The following KCTD14 variants were observed in gnomAD, a reference collection of about 807,000 sequenced individuals.
KCTD14 encodes potassium channel tetramerization domain containing 14, also known as BTB/POZ domain-containing protein KCTD14.
Under a neutral mutation model 5.9 loss-of-function variants are expected in KCTD14, and 7 were observed. That is an observed-to-expected ratio of 1.19 (90% CI 0.68 to 2.23). KCTD14 has a LOEUF of 2.23. Among genes scored for constraint, KCTD14 ranks in the 30% most tolerant of loss-of-function variants. KCTD14 has a pLI of 0.00. For synonymous variants in KCTD14, 140 were observed against 133.1 expected, an observed-to-expected ratio of 1.05 and a Z score of -0.36; for missense variants, 342 against 332.2, an observed-to-expected ratio of 1.03 and a Z score of -0.23.
rs367774439 is a variant in KCTD14, at chr11:78,017,228, T to C, written c.133A>G (p.Thr45Ala). Residue 45 changes from threonine to alanine, a missense_variant, in exon 2 of 2, where the codon ACC becomes GCC. Transcript: ENST00000353172. Reference sequence around the variant, plus strand: ...TTCCTCAGGGTACCCAGGGTGGTGGTGTGGAACTCACCCCCGACGTTCAGC... The same window carrying C: ...TTCCTCAGGGTACCCAGGGTGGTGGCGTGGAACTCACCCCCGACGTTCAGC... ...VELNVGGEFHTTTLGTLRKFP... is the reference protein window; with the variant it reads ...VELNVGGEFHATTLGTLRKFP... 2.3e-5 allele frequency: 37 copies of C among 1,609,552 alleles called. No individual in the cohort carries two copies. In the African/African-American group the frequency reaches 4.4e-4, roughly 19 times the overall value.
At chr11:78,046,136 A>G (rs980964071) in exon 1 of KCTD14, 1 of 985,456 alleles carries the variant, frequency 1.0e-6, no homozygotes, top group Non-Finnish European at 1.2e-6. Flanking sequence ...GCAAAAAAGG[A>G]GTCCACAGAA....
intron 1 of KCTD14, among the ~76,000 whole-genome samples, chr11:78,042,877 A>G (rs1858032175): frequency 6.6e-6 from 1 of 152,100 alleles, no homozygotes; most frequent in African/African-American, 2.4e-5. Flanking sequence ...GATTGGTCAG[A>G]CCCGGTGTGC....
Position 78,017,075 on chromosome 11 carries a change from C to T in KCTD14, c.286G>A (p.Gly96Arg). ...GGGATGTGCTGTGTGGGCACTTGCCCAGTGCGCAGGTAGTCCAGGATGGGT... is the reference window on the plus strand; with the variant it reads ...GGGATGTGCTGTGTGGGCACTTGCCTAGTGCGCAGGTAGTCCAGGATGGGT... ...FRPILDYLRT[G>R]QVPTQHIPEV... Residue 96 changes from glycine (G) to arginine (R), a missense_variant, in exon 2 of 2, where the codon GGG (glycine) becomes AGG (arginine). Gly to Arg is a moderately radical substitution (Grantham distance 125). Transcript: ENST00000353172. The T allele has an allele frequency of 6.2e-7, 1 of 1,614,220 alleles. No individual in the cohort carries two copies. Among genetic ancestry groups the T allele is most frequent in the Non-Finnish European group, 8.5e-7 (1 of 1,180,048 alleles).
chr11:78,027,938 T>G (rs956681302), upstream of KCTD14, among the ~76,000 whole-genome samples: 4 of 152,114 alleles, frequency 2.6e-5, no homozygotes, highest in Admixed American at 6.6e-5. Context: ...GTTTTGATGG[T>G]AATACTGGTC....
At chr11:78,045,623 T>G (rs1020739546) in intron 1 of KCTD14, among the ~76,000 whole-genome samples, 2 of 151,996 alleles carry the variant, frequency 1.3e-5, no homozygotes, top group East Asian at 1.9e-4. Flanking sequence ...AACCCAGGAG[T>G]GACCAAAGGC....
chr11:78,025,085 CGTGTGT>C (rs1163862866), upstream of KCTD14, among the ~76,000 whole-genome samples: 346 of 89,308 alleles, frequency 3.9e-3, 3 homozygotes, highest in Middle Eastern at 0.015. Flanking sequence ...TATATACACA[CGTGTGT>C]GTGTGTGTGT....
At chr11:78,025,118 G>GTGTGTGTATATATA (rs1230114793), upstream of KCTD14, among the ~76,000 whole-genome samples, 10 of 44,480 alleles carry the variant, frequency 2.2e-4, no homozygotes, top group Admixed American at 3.1e-4. Context: ...GTGTGTGTGT[G>GTGTGTGTATATATA]TATATATATA....
chr11:78,017,378 TTGG>T, intron 1 of KCTD14, 108 bp from the exon 2 acceptor site: 1 of 1,367,250 alleles, frequency 7.3e-7, no homozygotes, highest in South Asian at 1.6e-5. Flanking sequence ...GCCATAATGA[TTGG>T]CTTCAGCTAG....
intron 2 of KCTD14, among the ~76,000 whole-genome samples, chr11:78,037,218 C>T (rs1031544664): frequency 6.6e-6 from 1 of 152,212 alleles, no homozygotes; most frequent in African/African-American, 2.4e-5. Flanking sequence ...GCAACCACTC[C>T]CCCGGGGCCA....
intron 1 of KCTD14, among the ~76,000 whole-genome samples, chr11:78,021,070 AG>A (rs1182197746): frequency 6.6e-6 from 1 of 152,120 alleles, no homozygotes; most frequent in African/African-American, 2.4e-5. Context: ...TGGGAGGCCA[AG>A]GTGGGAGGAT....
intron 2 of KCTD14, among the ~76,000 whole-genome samples, chr11:78,037,368 G>T (rs566218473): frequency 6.6e-6 from 1 of 152,228 alleles, no homozygotes; most frequent in Admixed American, 6.5e-5. Flanking sequence ...CTCTTTGCAG[G>T]GCTACTTATG....
intron 1 of KCTD14, among the ~76,000 whole-genome samples, chr11:78,021,404 G>A (rs560550524): frequency 6.8e-6 from 1 of 146,788 alleles, no homozygotes; most frequent in East Asian, 2.1e-4. Flanking sequence ...GCTTCTTTTT[G>A]TTTTTTGTTT....
intron 2 of KCTD14, among the ~76,000 whole-genome samples, chr11:78,032,703 C>T (rs200662532): frequency 4.0e-5 from 5 of 123,516 alleles, no homozygotes; most frequent in East Asian, 2.3e-4. Flanking sequence ...TGATCTACTT[C>T]TTTTTTTTTT....
intron 2 of KCTD14, among the ~76,000 whole-genome samples, chr11:78,038,376 C>T (rs921456917): frequency 6.6e-6 from 1 of 152,210 alleles, no homozygotes; most frequent in Non-Finnish European, 1.5e-5. Flanking sequence ...GGCCTCTGGC[C>T]TGCAGGGCCA....
upstream of KCTD14, among the ~76,000 whole-genome samples, chr11:78,028,086 G>A (rs1857513190): frequency 6.6e-6 from 1 of 152,062 alleles, no homozygotes; most frequent in Non-Finnish European, 1.5e-5. Context: ...AGATGGTTGG[G>A]GGGCTGAGAC....
At chr11:78,026,211 T>C (rs1215594318), upstream of KCTD14, among the ~76,000 whole-genome samples, 2 of 151,866 alleles carry the variant, frequency 1.3e-5, no homozygotes, top group Non-Finnish European at 2.9e-5. Context: ...CCAAGGCAAG[T>C]GGATCATTTG....
rs1591199314 is a variant in KCTD14 at position 78,043,435 on chromosome 11, A to C, written c.-96+2626T>G. On this transcript the variant is annotated intron_variant, in intron 1 of 2. Transcript: ENST00000533144. ...TAGGATGACAGGTGTGAGCCACTGC[A>C]CCCAGCCTGTGTGTGCTTTTCGTAT... is the stretch of plus-strand genomic sequence containing the variant. Among the ~76,000 whole-genome samples the C allele has an allele frequency of 7.2e-5, 11 of 152,216 alleles. No homozygotes were observed. In the South Asian group the frequency reaches 2.3e-3, roughly 31 times the overall value.
chr11:78,017,281 A>G lies in KCTD14; in HGVS notation c.91-11T>C. 6.4e-7 allele frequency: 1 copy of G among 1,574,252 alleles called. No individual in the cohort carries two copies. Among genetic ancestry groups the G allele is most frequent in the Non-Finnish European group, 8.7e-7 (1 of 1,155,184 alleles). Reference sequence around the variant, plus strand: ...CACAACAGTAGACATCTGGGGGCACAAGAGGCAGAGTAAACCAACACGCCA... The same window carrying G: ...CACAACAGTAGACATCTGGGGGCACGAGAGGCAGAGTAAACCAACACGCCA... On this transcript the variant is annotated splice_polypyrimidine_tract_variant and intron_variant, in intron 1 of 1. Coordinates refer to ENST00000353172, the MANE Select transcript of KCTD14 (RefSeq NM_023930.4).
chr11:78,025,987 G>A (rs530293152), upstream of KCTD14, among the ~76,000 whole-genome samples: 1 of 152,334 alleles, frequency 6.6e-6, no homozygotes, highest in Non-Finnish European at 1.5e-5. Flanking sequence ...GTATGTGCTT[G>A]CTGTAAACCA....
Sources: allele counts gnomAD v4.1 joint callset (sites outside exome capture counted in the v4.1 genomes callset), GRCh38; gene constraint gnomAD v4.1.1; transcripts MANE v1.5; gene names NCBI Gene and HGNC (gene_info 2026-07-23, HGNC 2026-07-21).